The following LLGL2 variants were observed in gnomAD, a reference collection of about 807,000 sequenced individuals.
LLGL2 encodes LLGL2, scribble cell polarity complex component.
A neutral mutation model predicts 123.2 loss-of-function variants in LLGL2; 81 were observed. That is an observed-to-expected ratio of 0.66 (90% CI 0.55 to 0.79). The LOEUF is 0.79. Ranked by LOEUF, LLGL2 falls within the 30% of genes least tolerant of loss-of-function variation. LLGL2 has a pLI of 0.00. For synonymous variants in LLGL2, 577 were observed against 594.1 expected (o/e 0.97, Z 0.42); for missense variants, 1,273 against 1,414.6 (o/e 0.90, Z 1.61).
intron 19 of LLGL2, among the ~76,000 whole-genome samples, chr17:75,572,330 A>G (rs1159916640): frequency 6.6e-6 from 1 of 151,060 alleles, no homozygotes; most frequent in African/African-American, 2.5e-5. Flanking sequence ...CAGCCTGGCC[A>G]ATATGGTGAA....
At chr17:75,560,593 TCTC>T (rs372371252) in intron 6 of LLGL2, among the ~76,000 whole-genome samples, 1,543 of 152,024 alleles carry the variant, frequency 0.01, 13 homozygotes, top group Non-Finnish European at 0.015. Flanking sequence ...TTCAAGCTAT[TCTC>T]CTGCCTCAGC....
chr17:75,544,724 G>A lies in LLGL2; in HGVS notation c.75+1223G>A, dbSNP rs920894192. ...GTGGAGGGACCTCCCTGACCTCCCC[G>A]TTGGGAGAGGTGGGTCAGCGCTCCC... On this transcript the variant is annotated intron_variant, in intron 2 of 25. Transcript: ENST00000392550. This position sits in a 1 kb window ranked among gnomAD's most constrained non-coding sequence, Gnocchi z 4.2. Among the ~76,000 whole-genome samples the A allele has an allele frequency of 2.6e-5, 4 of 152,150 alleles. No homozygotes were observed. The highest frequency in any genetic ancestry group is 4.4e-5 in the Non-Finnish European group (3 of 68,008).
rs2054323244 is a variant in LLGL2, at chr17:75,544,187, C to T, written c.75+686C>T. ...AGGCGTGCAGTGTGGCTCTTCAGCT[C>T]CCGGGCCACCAAGCAGTGTGGGGCC... On this transcript the variant is annotated intron_variant, in intron 2 of 25. Transcript: ENST00000392550. The surrounding 1 kb of genome is among the most constrained non-coding windows in gnomAD (Gnocchi z 4.2). Among the ~76,000 whole-genome samples, 1 of 152,182 alleles carries T rather than the reference C, an allele frequency of 6.6e-6. No homozygotes were observed. The highest frequency in any genetic ancestry group is 2.4e-5 in the African/African-American group (1 of 41,438).
intron 2 of LLGL2, among the ~76,000 whole-genome samples, chr17:75,555,507 G>A (rs2147337172): frequency 6.6e-6 from 1 of 152,326 alleles, no homozygotes; most frequent in East Asian, 1.9e-4. Context: ...GAAGATGGTT[G>A]GAATTTGGTG....
intron 1 of LLGL2, among the ~76,000 whole-genome samples, chr17:75,533,299 C>CTTTTTT (rs532813559): frequency 1.7e-4 from 14 of 82,954 alleles, no homozygotes; most frequent in Non-Finnish European, 2.3e-4. Context: ...GCACCTGGCC[C>CTTTTTT]TTTTTTTTTT....
intron 17 of LLGL2, 192 bp from the exon 18 acceptor site, chr17:75,571,475 G>C (rs2055703961): frequency 8.4e-6 from 5 of 596,998 alleles, no homozygotes; most frequent in Non-Finnish European, 1.5e-5. Flanking sequence ...TCCCTGGCTG[G>C]TTCTCCCCTG....
intron 2 of LLGL2, among the ~76,000 whole-genome samples, chr17:75,554,462 G>C (rs2054814826): frequency 6.6e-6 from 1 of 151,894 alleles, no homozygotes; most frequent in Non-Finnish European, 1.5e-5. Context: ...AAATTAAAAA[G>C]TAGCCGGGTG....
intron 2 of LLGL2, among the ~76,000 whole-genome samples, chr17:75,552,472 G>A (rs901201512): frequency 2.0e-5 from 3 of 152,154 alleles, no homozygotes; most frequent in African/African-American, 4.8e-5. Flanking sequence ...CGTGACAGGC[G>A]TGACCCTATC....
Position 75,543,379 on chromosome 17 carries a change from C to T in LLGL2, c.-30-18C>T, listed in dbSNP as rs2054291684. The T allele has an allele frequency of 6.4e-7, 1 of 1,557,218 alleles. No individual in the cohort carries two copies. The highest frequency in any genetic ancestry group is 1.4e-5 in the African/African-American group (1 of 73,496). ...TGAGTGCCAGGACAGACCCCTGCAGCTCCTTCTGTTTCTCCAGGTCTCCAG... is the reference window on the plus strand; with the variant it reads ...TGAGTGCCAGGACAGACCCCTGCAGTTCCTTCTGTTTCTCCAGGTCTCCAG... On this transcript the variant is annotated intron_variant, in intron 1 of 25. Coordinates refer to ENST00000392550, the MANE Select transcript of LLGL2 (RefSeq NM_001031803.2).
chr17:75,543,344 A>G, intron 1 of LLGL2, 53 bp from the exon 2 acceptor site: 2 of 1,324,094 alleles, frequency 1.5e-6, no homozygotes, highest in South Asian at 1.4e-5. Context: ...GGCCGGGCCT[A>G]ATCGATACCT....
chr17:75,568,844 G>C lies in LLGL2; in HGVS notation c.1322+5G>C. On this transcript the variant is annotated splice_donor_5th_base_variant and intron_variant, in intron 12 of 25. Coordinates refer to ENST00000392550, the MANE Select transcript of LLGL2 (RefSeq NM_001031803.2). The stretch of plus-strand genomic sequence containing the variant: ...GAGGGACCTGCTGCTCACAGGGTAG[G>C]GTACTTTGATGCTACCCCACCTCTT... 10 of 1,575,556 alleles carry C rather than the reference G, an allele frequency of 6.3e-6. No homozygotes were observed. Among genetic ancestry groups the C allele is most frequent in the Non-Finnish European group, 8.6e-6 (10 of 1,158,652 alleles).
rs1568062800 is a variant in LLGL2, at chr17:75,564,506, C to T, written c.1035C>T (p.Ala345=). The T allele has an allele frequency of 5.6e-6, 9 of 1,613,200 alleles. No individual in the cohort carries two copies. The highest frequency in any genetic ancestry group is 1.3e-5 in the African/African-American group (1 of 75,028). The change falls in exon 10 of 26, where the codon GCC becomes GCT. Residue 345 remains alanine (A), a splice_region_variant and synonymous_variant. Transcript: ENST00000392550. The surrounding 1 kb of genome is among the most constrained non-coding windows in gnomAD (Gnocchi z 4.9). ...FTVLTEADPA[A]TFDDPYALVV... ...TCCTCACAGAGGCAGACCCTGCAGC[C>T]AGTAGGAGAGCTTCGGGAGTGGGTG...
intron 6 of LLGL2, among the ~76,000 whole-genome samples, chr17:75,560,802 TAA>T (rs372940306): frequency 0.015 from 1,417 of 95,862 alleles, 16 homozygotes; most frequent in Middle Eastern, 0.045. Context: ...GTTTATTTAT[TAA>T]AAAAAAAAAA....
At chr17:75,543,266 G>A in intron 1 of LLGL2, 131 bp from the exon 2 acceptor site, 1 of 571,002 alleles carries the variant, frequency 1.8e-6, no homozygotes, top group Non-Finnish European at 3.1e-6. Context: ...CGGTCACTGT[G>A]AAGCTGGCCT....
intron 6 of LLGL2, 162 bp from the exon 7 acceptor site, chr17:75,562,854 G>T (rs2055280448): frequency 1.2e-6 from 1 of 859,628 alleles, no homozygotes; most frequent in Admixed American, 2.6e-5. Context: ...ACAGGCATGA[G>T]CCACCACGCT....
intron 17 of LLGL2, chr17:75,571,322 T>C (rs1484084883): frequency 1.5e-5 from 9 of 589,024 alleles, no homozygotes; most frequent in Non-Finnish European, 2.7e-5. Flanking sequence ...TAGCACCCTT[T>C]AGAAGCATGG....
rs1252334690 is a variant in LLGL2 at position 75,571,662 on chromosome 17, G to C, written c.2177-5G>C. On this transcript the variant is annotated splice_region_variant and splice_polypyrimidine_tract_variant and intron_variant, in intron 17 of 25. Coordinates refer to ENST00000392550, the MANE Select transcript of LLGL2 (RefSeq NM_001031803.2). ...GTCAGACACCCAAACATGGCTTCTC[G>C]GCAGGCTCCCGGCACTGCCCCTCGC... is the stretch of plus-strand genomic sequence containing the variant. 6.2e-7 allele frequency: 1 copy of C among 1,604,978 alleles called. No homozygotes were observed. Among genetic ancestry groups the C allele is most frequent in the Non-Finnish European group, 8.5e-7 (1 of 1,177,700 alleles).
chr17:75,569,465 T>G, intron 14 of LLGL2, 140 bp downstream of exon 14: 1 of 707,772 alleles, frequency 1.4e-6, no homozygotes, highest in Non-Finnish European at 2.4e-6. Context: ...TTGATCCCCT[T>G]GGCGGGAGGT....
At chr17:75,526,140 G>A (rs2053559477) in intron 1 of LLGL2, among the ~76,000 whole-genome samples, 1 of 152,088 alleles carries the variant, frequency 6.6e-6, no homozygotes, top group African/African-American at 2.4e-5. Context: ...GGGGCACCGC[G>A]GGCAGAGACG....
Sources: allele counts gnomAD v4.1 joint callset (sites outside exome capture counted in the v4.1 genomes callset), GRCh38; gene constraint gnomAD v4.1.1; non-coding constraint Gnocchi (gnomAD v3.1); transcripts MANE v1.5; gene names NCBI Gene and HGNC (gene_info 2026-07-23, HGNC 2026-07-21).